The following RPS6KC1 variants were observed in gnomAD, a reference collection of about 807,000 sequenced individuals.
The protein encoded by RPS6KC1 is inactive ribosomal protein S6 kinase delta-1.
Under a neutral mutation model 103.8 loss-of-function variants are expected in RPS6KC1, and 54 were observed. The observed-to-expected ratio is 0.52, with a 90% confidence interval of 0.42 to 0.65. RPS6KC1 has a LOEUF of 0.65. RPS6KC1 is among the 30% of genes least tolerant of loss of function. The probability of loss-of-function intolerance (pLI) is 0.00; values close to 1 mark genes in which losing one functional copy is unlikely to be tolerated. For synonymous variants in RPS6KC1, 439 were observed against 438.7 expected, an observed-to-expected ratio of 1.00 and a Z score of -0.01; for missense variants, 1,151 against 1,253.8, an observed-to-expected ratio of 0.92 and a Z score of 1.24.
chr1:213,178,676 T>G (rs1259121707), intron 8 of RPS6KC1, among the ~76,000 whole-genome samples: 2 of 152,082 alleles, frequency 1.3e-5, no homozygotes, highest in African/African-American at 4.8e-5. Flanking sequence ...CTTACTCTGT[T>G]TAGCTGGGAA....
At chr1:213,555,263 A>T in the RPS6KC1 span, among the ~76,000 whole-genome samples, 33 of 152,174 alleles carry the variant, frequency 2.2e-4, no homozygotes, top group East Asian at 6.2e-3. Context: ...CTAGGGCCCC[A>T]TTTCCCCCAT....
chr1:213,103,374 C>T (rs2082182578), intron 3 of RPS6KC1, among the ~76,000 whole-genome samples: 1 of 152,102 alleles, frequency 6.6e-6, no homozygotes, highest in Non-Finnish European at 1.5e-5. Context: ...CTATTAAGTG[C>T]TTACTATGTG....
the RPS6KC1 span, among the ~76,000 whole-genome samples, chr1:213,441,859 A>G: frequency 3.3e-5 from 5 of 152,272 alleles, no homozygotes; most frequent in African/African-American, 2.4e-5. Flanking sequence ...TGTTCTCAAC[A>G]CAAAAAGTGT....
chr1:213,543,813 C>T, the RPS6KC1 span, among the ~76,000 whole-genome samples: 1 of 152,092 alleles, frequency 6.6e-6, no homozygotes, highest in African/African-American at 2.4e-5. Flanking sequence ...TTCCTGTTTT[C>T]TTTGCTTCTT....
At chr1:213,160,764 C>T (rs964305425) in intron 6 of RPS6KC1, among the ~76,000 whole-genome samples, 14 of 151,758 alleles carry the variant, frequency 9.2e-5, no homozygotes, top group Non-Finnish European at 1.5e-5. Flanking sequence ...AAACCAAACA[C>T]CACATATTCT....
the RPS6KC1 span, among the ~76,000 whole-genome samples, chr1:213,461,458 G>T: frequency 1.3e-5 from 2 of 151,934 alleles, no homozygotes; most frequent in Non-Finnish European, 2.9e-5. Context: ...GAACCGAAAA[G>T]CCCATATAGC....
the RPS6KC1 span, among the ~76,000 whole-genome samples, chr1:213,686,602 A>G: frequency 6.6e-6 from 1 of 152,184 alleles, no homozygotes; most frequent in Non-Finnish European, 1.5e-5. Context: ...ATGAGCATAT[A>G]ACATGTTTTT....
chr1:213,246,098 C>T (rs1558625415), intron 12 of RPS6KC1, among the ~76,000 whole-genome samples: 1 of 152,148 alleles, frequency 6.6e-6, no homozygotes, highest in Non-Finnish European at 1.5e-5. Flanking sequence ...ATGGCTGCAG[C>T]TGCAGACCCA....
chr1:213,776,268 C>T, the RPS6KC1 span, among the ~76,000 whole-genome samples: 6,888 of 152,100 alleles, frequency 0.045, 202 homozygotes, highest in Middle Eastern at 0.079. Flanking sequence ...CCAGATCTGT[C>T]GGAGGAATCA....
At chr1:213,708,001 C>T in the RPS6KC1 span, among the ~76,000 whole-genome samples, 1 of 152,112 alleles carries the variant, frequency 6.6e-6, no homozygotes, top group African/African-American at 2.4e-5. Flanking sequence ...GCTCTTTTTG[C>T]TTAGCATTGC....
chr1:213,447,218 C>T, the RPS6KC1 span, among the ~76,000 whole-genome samples: 8 of 151,984 alleles, frequency 5.3e-5, no homozygotes, highest in African/African-American at 1.7e-4. Flanking sequence ...CAGGCACTGC[C>T]ACCACATTTG....
At chr1:213,402,790 G>C in the RPS6KC1 span, among the ~76,000 whole-genome samples, 1 of 151,982 alleles carries the variant, frequency 6.6e-6, no homozygotes. Context: ...TGACATGTTG[G>C]AAAATAATAG....
At chr1:213,436,644 T>A in the RPS6KC1 span, among the ~76,000 whole-genome samples, 1 of 152,206 alleles carries the variant, frequency 6.6e-6, no homozygotes, top group Non-Finnish European at 1.5e-5. Context: ...ATGAATATTG[T>A]TTATTCCTTT....
At chr1:213,123,243 C>A (rs1032633234) in intron 5 of RPS6KC1, among the ~76,000 whole-genome samples, 2 of 152,068 alleles carry the variant, frequency 1.3e-5, no homozygotes, top group Admixed American at 1.3e-4. Context: ...TACTTGCATA[C>A]TGGTAATGGG....
chr1:213,539,172 C>G, the RPS6KC1 span, among the ~76,000 whole-genome samples: 1 of 152,218 alleles, frequency 6.6e-6, no homozygotes, highest in Non-Finnish European at 1.5e-5. Flanking sequence ...CTCTAGAACT[C>G]TCATCTCAAC....
At chr1:213,354,161 T>A in the RPS6KC1 span, among the ~76,000 whole-genome samples, 1 of 152,222 alleles carries the variant, frequency 6.6e-6, no homozygotes, top group East Asian at 1.9e-4. Flanking sequence ...TTTCCTCATA[T>A]GTAAAACAGA....
At chr1:213,421,099 G>A in the RPS6KC1 span, among the ~76,000 whole-genome samples, 1 of 152,110 alleles carries the variant, frequency 6.6e-6, no homozygotes, top group African/African-American at 2.4e-5. Context: ...TAGGGGTTAG[G>A]ATTCCAACAT....
the RPS6KC1 span, among the ~76,000 whole-genome samples, chr1:213,838,146 A>G: frequency 2.0e-5 from 3 of 152,124 alleles, no homozygotes; most frequent in Non-Finnish European, 4.4e-5. Context: ...TTAAAGTGTG[A>G]TGTGTTTCTT....
At chr1:213,642,436 T>G in the RPS6KC1 span, among the ~76,000 whole-genome samples, 1 of 152,150 alleles carries the variant, frequency 6.6e-6, no homozygotes, top group Non-Finnish European at 1.5e-5. Context: ...TTATTTAATA[T>G]CACACGTTCT....
Sources: allele counts gnomAD v4.1 joint callset (sites outside exome capture counted in the v4.1 genomes callset), GRCh38; gene constraint gnomAD v4.1.1; transcripts MANE v1.5; gene names NCBI Gene and HGNC (gene_info 2026-07-23, HGNC 2026-07-21).